Variants in EXOC4 observed in about 807,000 individuals in gnomAD.
EXOC4 encodes SEC8-like 1.
Under a neutral mutation model 107.2 loss-of-function variants are expected in EXOC4, and 71 were observed. The observed-to-expected ratio is 0.66, with a 90% confidence interval of 0.55 to 0.81. The LOEUF (loss-of-function observed/expected upper bound fraction) is 0.81. Among genes scored for constraint, EXOC4 ranks in the 30% least tolerant of loss-of-function variants. EXOC4 has a pLI of 0.00. For synonymous variants in EXOC4, 456 were observed against 441.2 expected (o/e 1.03, Z -0.42); for missense variants, 1,108 against 1,189.6 (o/e 0.93, Z 1.01).
the EXOC4 span, among the ~76,000 whole-genome samples, chr7:134,075,018 CAAAG>C: frequency 6.6e-6 from 1 of 152,070 alleles, no homozygotes; most frequent in Non-Finnish European, 1.5e-5. Flanking sequence ...AAAAAGTAAG[CAAAG>C]AAAGTGAAGC....
chr7:134,013,509 A>G (rs972760584), intron 17 of EXOC4, among the ~76,000 whole-genome samples: 1 of 152,222 alleles, frequency 6.6e-6, no homozygotes, highest in African/African-American at 2.4e-5. Context: ...GGTAAAAACC[A>G]AGAGGCCCTG....
intron 14 of EXOC4, among the ~76,000 whole-genome samples, chr7:133,966,638 C>T (rs954614138): frequency 3.3e-5 from 5 of 152,076 alleles, no homozygotes; most frequent in Admixed American, 1.3e-4. Flanking sequence ...TATTGATTTG[C>T]GTATGTTGAA....
chr7:133,878,638 G>A (rs547252769), intron 11 of EXOC4, among the ~76,000 whole-genome samples: 1 of 152,246 alleles, frequency 6.6e-6, no homozygotes, highest in South Asian at 2.1e-4. Flanking sequence ...TTGTTGTGGG[G>A]AAGTAATTGA....
At chr7:133,497,355 G>A (rs968624432) in intron 9 of EXOC4, among the ~76,000 whole-genome samples, 2 of 151,944 alleles carry the variant, frequency 1.3e-5, no homozygotes, top group Non-Finnish European at 1.5e-5. Flanking sequence ...AAGTTGCTAG[G>A]CTAGCTCTCT....
chr7:133,544,812 C>G (rs1218711854), intron 9 of EXOC4, among the ~76,000 whole-genome samples: 1 of 145,440 alleles, frequency 6.9e-6, no homozygotes, highest in African/African-American at 2.5e-5. Context: ...TGTTGTCTTC[C>G]ACTTGTAGGT....
chr7:133,991,747 A>G (rs1322371900), intron 14 of EXOC4, among the ~76,000 whole-genome samples: 2 of 152,156 alleles, frequency 1.3e-5, no homozygotes, highest in Non-Finnish European at 2.9e-5. Flanking sequence ...CCTTTGTCAA[A>G]ATGAATTGGC....
chr7:134,024,770 C>T (rs1795101585), intron 17 of EXOC4, among the ~76,000 whole-genome samples: 1 of 152,154 alleles, frequency 6.6e-6, no homozygotes, highest in Non-Finnish European at 1.5e-5. Context: ...GAACTCTGAT[C>T]GGGGAGCTAA....
chr7:133,895,752 G>A lies in EXOC4; in HGVS notation c.1871+17G>A, dbSNP rs749203486. On this transcript the variant is annotated intron_variant, in intron 12 of 17. Coordinates refer to ENST00000253861, the MANE Select transcript of EXOC4 (RefSeq NM_021807.4). The stretch of plus-strand genomic sequence containing the variant: ...AGCTTACAGGTAGAGCTTCTGTTAG[G>A]GGCTAAGCAAAGTAACGTTTGAGCC... The A allele has an allele frequency of 8.1e-6, 13 of 1,604,196 alleles. No individual in the cohort carries two copies. Among genetic ancestry groups the A allele is most frequent in the Non-Finnish European group, 1.1e-5 (13 of 1,174,242 alleles).
chr7:134,077,133 G>A, the EXOC4 span, among the ~76,000 whole-genome samples: 2 of 152,120 alleles, frequency 1.3e-5, no homozygotes, highest in African/African-American at 4.8e-5. Context: ...CTGGAGGCCT[G>A]AAAACGAGTA....
At chr7:133,827,608 A>G (rs1288490968) in intron 11 of EXOC4, among the ~76,000 whole-genome samples, 1 of 152,216 alleles carries the variant, frequency 6.6e-6, no homozygotes, top group Non-Finnish European at 1.5e-5. Context: ...AGGATCCTTA[A>G]TGATCTCAGC....
chr7:133,980,383 G>T (rs534650369), intron 14 of EXOC4, among the ~76,000 whole-genome samples: 2 of 152,212 alleles, frequency 1.3e-5, no homozygotes, highest in Non-Finnish European at 2.9e-5. Flanking sequence ...ACTGTGTGCC[G>T]AAGGTTGTTC....
intron 3 of EXOC4, among the ~76,000 whole-genome samples, chr7:133,303,869 G>A (rs1472806354): frequency 6.6e-6 from 1 of 152,180 alleles, no homozygotes; most frequent in African/African-American, 2.4e-5. Flanking sequence ...ACTCTCTGAG[G>A]TTTCTTTACT....
intron 10 of EXOC4, among the ~76,000 whole-genome samples, chr7:133,705,471 T>C (rs1794748951): frequency 6.6e-6 from 1 of 152,226 alleles, no homozygotes; most frequent in African/African-American, 2.4e-5. Flanking sequence ...CTATAGTTAC[T>C]AAACAAATAA....
At chr7:133,732,850 CT>C in intron 10 of EXOC4, 1 of 165,994 alleles carries the variant, frequency 6.0e-6, no homozygotes, top group Non-Finnish European at 1.3e-5. Flanking sequence ...GATTGTTGTA[CT>C]TTTTAGTAAA....
chr7:134,042,843 C>T (rs1481561804), intron 17 of EXOC4, among the ~76,000 whole-genome samples: 1 of 152,198 alleles, frequency 6.6e-6, no homozygotes, highest in African/African-American at 2.4e-5. Context: ...TCGAGACCAG[C>T]CTGGCCAACA....
chr7:133,812,563 T>A (rs1285780042), intron 10 of EXOC4, among the ~76,000 whole-genome samples: 2 of 152,182 alleles, frequency 1.3e-5, no homozygotes, highest in African/African-American at 2.4e-5. Flanking sequence ...TTCCTGCCCA[T>A]GAAGGGTAGG....
intron 11 of EXOC4, among the ~76,000 whole-genome samples, chr7:133,853,034 T>A (rs575146459): frequency 6.6e-6 from 1 of 152,340 alleles, no homozygotes; most frequent in African/African-American, 2.4e-5. Flanking sequence ...TTTAGTCAAT[T>A]ACCTGTCTTT....
chr7:133,706,772 C>T (rs1431492403), intron 10 of EXOC4, among the ~76,000 whole-genome samples: 3 of 152,148 alleles, frequency 2.0e-5, no homozygotes, highest in Non-Finnish European at 4.4e-5. Context: ...CCCTGCATGG[C>T]TTATGAGTGG....
intron 7 of EXOC4, among the ~76,000 whole-genome samples, chr7:133,421,683 T>C (rs546548114): frequency 6.6e-6 from 1 of 152,326 alleles, no homozygotes; most frequent in Non-Finnish European, 1.5e-5. Flanking sequence ...TTTTCCCTCT[T>C]TTGTTCAAGC....
Sources: gnomAD v4.1 joint callset for allele counts (sites outside exome capture counted in the v4.1 genomes callset) on GRCh38, gnomAD v4.1.1 for gene constraint, MANE v1.5 for transcripts, NCBI Gene and HGNC (gene_info 2026-07-23, HGNC 2026-07-21) for gene names.